The following SDK1 variants were observed in gnomAD, a reference collection of about 807,000 sequenced individuals.
SDK1 encodes protein sidekick-1.
A neutral mutation model predicts 245.5 loss-of-function variants in SDK1; 157 were observed. The observed-to-expected ratio is 0.64, with a 90% confidence interval of 0.56 to 0.73. The LOEUF is 0.73. Among genes scored for constraint, SDK1 ranks in the 30% least tolerant of loss-of-function variants. The pLI is 0.00. For missense variants in SDK1, 3,583 were observed against 3,002.3 expected, an observed-to-expected ratio of 1.19 and a Z score of -4.52; for synonymous variants, 1,647 against 1,278.5, an observed-to-expected ratio of 1.29 and a Z score of -6.15.
At chr7:3,770,834 A>C (rs536502656) in intron 4 of SDK1, among the ~76,000 whole-genome samples, 1 of 152,032 alleles carries the variant, frequency 6.6e-6, no homozygotes, top group African/African-American at 2.4e-5. Context: ...ACTGCCTTCT[A>C]TGATAGGTTA....
chr7:4,126,094 C>T (rs940352075), intron 25 of SDK1, among the ~76,000 whole-genome samples: 5 of 152,226 alleles, frequency 3.3e-5, no homozygotes, highest in Non-Finnish European at 7.3e-5. Flanking sequence ...TGAAGTGTCT[C>T]TCCTCCTTTT....
chr7:3,648,777 C>T (rs562250713), intron 4 of SDK1, among the ~76,000 whole-genome samples: 62 of 152,018 alleles, frequency 4.1e-4, no homozygotes, highest in Non-Finnish European at 7.7e-4. Context: ...ATGTGTGAAC[C>T]GAGCCATATT....
intron 23 of SDK1, among the ~76,000 whole-genome samples, 192 bp from the exon 24 acceptor site, chr7:4,113,097 C>A (rs1783454270): frequency 6.6e-6 from 1 of 152,140 alleles, no homozygotes; most frequent in Non-Finnish European, 1.5e-5. Flanking sequence ...GTGTGAGCCA[C>A]CACACCTGGC....
At chr7:3,524,918 G>A (rs1358465878) in intron 1 of SDK1, among the ~76,000 whole-genome samples, 3 of 152,182 alleles carry the variant, frequency 2.0e-5, no homozygotes, top group Non-Finnish European at 1.5e-5. Context: ...AGATCATGCT[G>A]TAAGAGAGTG....
intron 4 of SDK1, among the ~76,000 whole-genome samples, chr7:3,739,301 G>C (rs1434532343): frequency 6.6e-6 from 1 of 152,062 alleles, no homozygotes; most frequent in African/African-American, 2.4e-5. Flanking sequence ...TAGAGTTTTT[G>C]AGCTGCTTAC....
chr7:3,828,039 A>G (rs1779820613), intron 5 of SDK1, among the ~76,000 whole-genome samples: 1 of 152,210 alleles, frequency 6.6e-6, no homozygotes, highest in South Asian at 2.1e-4. Context: ...GCACTTTGGG[A>G]GGCCAAGGTG....
intron 17 of SDK1, among the ~76,000 whole-genome samples, chr7:4,020,846 G>C (rs1024997851): frequency 2.6e-5 from 4 of 152,214 alleles, no homozygotes; most frequent in African/African-American, 9.6e-5. Context: ...ATTTACACCT[G>C]TCCTGACTCA....
chr7:4,174,453 A>C, intron 33 of SDK1, 96 bp downstream of exon 33: 1 of 1,352,198 alleles, frequency 7.4e-7, no homozygotes, highest in Non-Finnish European at 1.0e-6. Flanking sequence ...ACGCTGTGGA[A>C]GAGGCTGAGA....
rs554402357 is a variant in SDK1, at chr7:4,122,998, A to G, written c.3824-4383A>G. On this transcript the variant is annotated intron_variant, in intron 25 of 44. Transcript: ENST00000404826. Reference sequence around the variant, plus strand: ...CACGTGAGAAGTTCAGCTGCGTTCAAAGCCCCGTTGGTGTCCGAATTGCTG... The same window carrying G: ...CACGTGAGAAGTTCAGCTGCGTTCAGAGCCCCGTTGGTGTCCGAATTGCTG... Among the ~76,000 whole-genome samples the G allele has an allele frequency of 7.2e-5, 11 of 152,314 alleles. No homozygotes were observed. The South Asian group carries it at 1.9e-3, about 26-fold the overall frequency.
chr7:3,532,216 T>A (rs997132706), intron 1 of SDK1, among the ~76,000 whole-genome samples: 1 of 152,246 alleles, frequency 6.6e-6, no homozygotes, highest in African/African-American at 2.4e-5. Flanking sequence ...TTAATGAGTT[T>A]GCTTTTTATT....
intron 40 of SDK1, chr7:4,227,312 G>A (rs1016110014): frequency 1.7e-5 from 8 of 464,364 alleles, no homozygotes; most frequent in African/African-American, 6.0e-5. Flanking sequence ...CTGACAGCTT[G>A]TCAGCCCGGC....
At chr7:3,409,229 C>T in intron 1 of SDK1, among the ~76,000 whole-genome samples, 1 of 151,722 alleles carries the variant, frequency 6.6e-6, no homozygotes, top group East Asian at 1.9e-4. Context: ...ACTGAGATTT[C>T]ATTAATCCTC....
chr7:3,882,235 C>A (rs1156601902), intron 5 of SDK1, among the ~76,000 whole-genome samples: 9 of 152,096 alleles, frequency 5.9e-5, no homozygotes, highest in Admixed American at 5.2e-4. Flanking sequence ...ATTCTGGGAG[C>A]TACAATTCAA....
In SDK1 at chr7:4,268,788, C is replaced by T. The variant is rs372949290; in HGVS notation, c.*3404C>T. On this transcript the variant is annotated 3_prime_UTR_variant, in exon 45 of 45. Coordinates refer to ENST00000404826, the MANE Select transcript of SDK1 (RefSeq NM_152744.4). ...CTGAAAGGTGAGGACAACGTGGAAACTCATGAGCTGAGCCTGCCCGCTGGG... is the reference window on the plus strand; with the variant it reads ...CTGAAAGGTGAGGACAACGTGGAAATTCATGAGCTGAGCCTGCCCGCTGGG... 5.9e-6 allele frequency: 8 copies of T among 1,350,324 alleles called. No homozygotes were observed. Among genetic ancestry groups the T allele is most frequent in the Non-Finnish European group, 8.0e-6 (8 of 1,006,100 alleles). The allele number at this position is 1,350,324 out of a possible 1,614,324, so 83.6% of individuals were successfully genotyped here.
intron 8 of SDK1, 107 bp from the exon 9 acceptor site, chr7:3,962,550 G>A: frequency 9.9e-7 from 1 of 1,008,920 alleles, no homozygotes; most frequent in African/African-American, 1.6e-5. Context: ...GAATACACAA[G>A]AAAATGCCTA....
intron 1 of SDK1, among the ~76,000 whole-genome samples, chr7:3,305,598 A>G (rs1426636701): frequency 6.6e-6 from 1 of 152,108 alleles, no homozygotes; most frequent in African/African-American, 2.4e-5. Context: ...CTCCCTTTAC[A>G]ACTTTGTAAT....
At chr7:4,180,127 G>A (rs968912897) in intron 35 of SDK1, among the ~76,000 whole-genome samples, 18 of 152,050 alleles carry the variant, frequency 1.2e-4, no homozygotes, top group African/African-American at 3.4e-4. Context: ...CCAGCCAAGC[G>A]GCAACAGGAC....
At chr7:3,526,554 T>C (rs1307918482) in intron 1 of SDK1, among the ~76,000 whole-genome samples, 1 of 152,196 alleles carries the variant, frequency 6.6e-6, no homozygotes, top group Admixed American at 6.5e-5. Context: ...GCAGATAGTT[T>C]GGTGGAATTC....
intron 17 of SDK1, among the ~76,000 whole-genome samples, chr7:4,025,601 C>A (rs1332205623): frequency 2.6e-5 from 4 of 152,206 alleles, no homozygotes; most frequent in African/African-American, 9.7e-5. Context: ...AGCCTAGGAA[C>A]CCTGTGAGGG....
Sources: allele counts gnomAD v4.1 joint callset (sites outside exome capture counted in the v4.1 genomes callset), GRCh38; gene constraint gnomAD v4.1.1; transcripts MANE v1.5; gene names NCBI Gene and HGNC (gene_info 2026-07-23, HGNC 2026-07-21).